Variants in ZNF841 observed in about 807,000 individuals in gnomAD.
ZNF841 encodes zinc finger protein 841.
A neutral mutation model predicts 13.0 loss-of-function variants in ZNF841; 11 were observed. That is an observed-to-expected ratio of 0.85 (90% CI 0.53 to 1.40). ZNF841 has a LOEUF of 1.40. Ranked by LOEUF, ZNF841 falls within the 40% of genes most tolerant of loss-of-function variation. The pLI, the probability that ZNF841 is intolerant of heterozygous loss-of-function variation, is 0.00. For synonymous variants in ZNF841, 369 were observed against 381.6 expected, an observed-to-expected ratio of 0.97 and a Z score of 0.38; for missense variants, 1,068 against 1,139.5, an observed-to-expected ratio of 0.94 and a Z score of 0.90.
intron 4 of ZNF841, among the ~76,000 whole-genome samples, chr19:52,078,558 G>A (rs1394687851): frequency 6.6e-6 from 1 of 151,948 alleles, no homozygotes; most frequent in Non-Finnish European, 1.5e-5. Context: ...AATTAGCCGG[G>A]TGTGGTGGCC....
intron 6 of ZNF841, among the ~76,000 whole-genome samples, chr19:52,074,616 G>A (rs1159201589): frequency 5.3e-5 from 8 of 152,022 alleles, no homozygotes; most frequent in African/African-American, 1.9e-4. Flanking sequence ...TCCCAGATTT[G>A]AGAGATTCTC....
Position 52,065,818 on chromosome 19 carries a change from C to G in ZNF841, c.2064G>C (p.Glu688Asp). ...CAAGTTTTGAACTTTGGATAAAAGC[C>G]TCACCAAATTCATTACAGTGGTAAG... ...ENPYHCNEFG[E>D]AFIQSSKLAR... is the part of the protein sequence containing the mutation. The change falls in exon 7 of 7, where the codon GAG becomes GAC. Residue 688 changes from glutamate to aspartate, a missense_variant. Glu to Asp is a conservative substitution (Grantham distance 45). Coordinates refer to ENST00000594440, the MANE Select transcript of ZNF841 (RefSeq NM_001136499.2). The G allele has an allele frequency of 6.2e-7, 1 of 1,613,206 alleles. No individual in the cohort carries two copies. The highest frequency in any genetic ancestry group is 8.5e-7 in the Non-Finnish European group (1 of 1,179,446).
intron 4 of ZNF841, among the ~76,000 whole-genome samples, chr19:52,078,647 C>T (rs948795527): frequency 2.7e-5 from 4 of 147,406 alleles, no homozygotes; most frequent in East Asian, 2.0e-4. Context: ...TGCAGTGAGC[C>T]GAGATCGCAC....
At chr19:52,086,244 G>C (rs1374951965) in intron 3 of ZNF841, among the ~76,000 whole-genome samples, 1 of 152,154 alleles carries the variant, frequency 6.6e-6, no homozygotes, top group East Asian at 1.9e-4. Context: ...ACTGTTACTG[G>C]TGGGGCCTGG....
In ZNF841 at chr19:52,067,135, TG is replaced by T; in HGVS notation, c.746del (p.Thr249AsnfsTer14). The stretch of plus-strand genomic sequence containing the variant: ...CCCTAATATGTGTTTTCTCGTCTTG[TG>T]TAGGTAACGAAAGTTGCAAAAAATC... The part of the protein sequence containing the change: ...GNDFLQLSLP[T>X]QDEKTHIREK... On this transcript the variant is annotated frameshift_variant, in exon 7 of 7. Transcript: ENST00000594440. LOFTEE classifies it low-confidence loss of function (END_TRUNC). 5.8e-6 allele frequency: 9 copies of T among 1,561,118 alleles called. No homozygotes were observed. In the Admixed American group the frequency reaches 7.7e-5, roughly 13 times the overall value.
At chr19:52,095,379 G>A (rs1278417595) in intron 1 of ZNF841, among the ~76,000 whole-genome samples, 196 bp downstream of exon 1, 1 of 152,148 alleles carries the variant, frequency 6.6e-6, no homozygotes, top group Non-Finnish European at 1.5e-5. Context: ...GACGACGGAG[G>A]AGCTCGGGGA....
At chr19:52,072,896 T>A (rs1336158684) in intron 6 of ZNF841, among the ~76,000 whole-genome samples, 1 of 152,104 alleles carries the variant, frequency 6.6e-6, no homozygotes, top group East Asian at 1.9e-4. Context: ...AAGGGAAATT[T>A]TAAAAATCTC....
chr19:52,074,763 C>T (rs887335835), intron 6 of ZNF841, among the ~76,000 whole-genome samples: 3 of 152,102 alleles, frequency 2.0e-5, no homozygotes, highest in Admixed American at 6.5e-5. Context: ...GTGATCCACC[C>T]GCCTCAGCCT....
At chr19:52,061,328 C>G (rs1216590637), downstream of ZNF841, among the ~76,000 whole-genome samples, 1 of 152,120 alleles carries the variant, frequency 6.6e-6, no homozygotes, top group Admixed American at 6.5e-5. Flanking sequence ...AACTGCCCAG[C>G]CTGGAACAAT....
At chr19:52,064,315 C>T (rs1198729536), downstream of ZNF841, among the ~76,000 whole-genome samples, 31 of 136,468 alleles carry the variant, frequency 2.3e-4, no homozygotes, top group Admixed American at 8.2e-5. Context: ...CACTGCAGTC[C>T]GCAGTCCCGC....
At position 52,076,881 on chromosome 19, in the gene ZNF841, C is replaced by T. The variant is rs1234281322; in HGVS notation, c.142+77G>A. Reference sequence around the variant, plus strand: ...CAGTCTCTGTCAAATAATGTAGGGCCTCACAAGAAACACAATAAGGAAAGT... The same window carrying T: ...CAGTCTCTGTCAAATAATGTAGGGCTTCACAAGAAACACAATAAGGAAAGT... On this transcript the variant is annotated intron_variant, in intron 5 of 6. Coordinates refer to ENST00000594440, the MANE Select transcript of ZNF841 (RefSeq NM_001136499.2). The T allele has an allele frequency of 9.6e-6, 15 of 1,555,776 alleles. No individual in the cohort carries two copies. The Admixed American group carries it at 2.3e-4, about 24-fold the overall frequency.
chr19:52,062,070 C>T (rs1316585246), downstream of ZNF841, among the ~76,000 whole-genome samples: 1 of 152,094 alleles, frequency 6.6e-6, no homozygotes, highest in Non-Finnish European at 1.5e-5. Context: ...ATTGCAGGTC[C>T]CCTTCTCTAT....
Position 52,094,540 on chromosome 19 carries a change from G to GT in ZNF841, c.-269-570dup, listed in dbSNP as rs529886940. Among the ~76,000 whole-genome samples the GT allele has an allele frequency of 1.5e-4, 23 of 151,920 alleles. 1 individual carries two copies. The South Asian group carries it at 4.8e-3, about 32-fold the overall frequency. On this transcript the variant is annotated intron_variant, in intron 1 of 6. Coordinates refer to ENST00000594440, the MANE Select transcript of ZNF841 (RefSeq NM_001136499.2). ...CTTTCCGATTGTCCCCAATCTCCAC[G>GT]TATTTCTGCCTCTTTTCCCCCATCT...
chr19:52,064,299 T>C (rs776047148), downstream of ZNF841, among the ~76,000 whole-genome samples: 2 of 134,878 alleles, frequency 1.5e-5, no homozygotes, highest in Non-Finnish European at 1.5e-5. Flanking sequence ...TGAGCCGAGA[T>C]TGCGCCACTG....
At chr19:52,085,078 C>T (rs1304656168) in intron 3 of ZNF841, among the ~76,000 whole-genome samples, 200 bp from the exon 4 acceptor site, 3 of 152,106 alleles carry the variant, frequency 2.0e-5, no homozygotes, top group Admixed American at 1.3e-4. Context: ...CCCAGAGAAG[C>T]CCCCACACAC....
intron 2 of ZNF841, among the ~76,000 whole-genome samples, chr19:52,090,368 C>A (rs1194526918): frequency 6.6e-6 from 1 of 151,802 alleles, no homozygotes; most frequent in Non-Finnish European, 1.5e-5. Flanking sequence ...TGAGACCAGC[C>A]TGGGCAACAT....
rs1042892529 is a variant in ZNF841, at chr19:52,077,024, C to G, written c.76G>C (p.Asp26His). 1 of 1,613,376 alleles carries G rather than the reference C, an allele frequency of 6.2e-7. No homozygotes were observed. Among genetic ancestry groups the G allele is most frequent in the Admixed American group, 1.7e-5 (1 of 59,990 alleles). ...CTGTACAAAGCTTTCTGAACAGGGTCCAGGCATTTCCACTCCTCCTGAGAG... is the reference window on the plus strand; with the variant it reads ...CTGTACAAAGCTTTCTGAACAGGGTGCAGGCATTTCCACTCCTCCTGAGAG... Reference protein sequence around the residue: ...EFSQEEWKCLDPVQKALYRDV... With the variant: ...EFSQEEWKCLHPVQKALYRDV... The change falls in exon 5 of 7, where the codon GAC becomes CAC. Residue 26 changes from aspartate to histidine, a missense_variant. Transcript: ENST00000594440.
At position 52,067,144 on chromosome 19, in the gene ZNF841, C is replaced by A; in HGVS notation, c.738G>T (p.Ser246=). 1.3e-6 allele frequency: 2 copies of A among 1,556,790 alleles called. No homozygotes were observed. Among genetic ancestry groups the A allele is most frequent in the Non-Finnish European group, 1.7e-6 (2 of 1,149,272 alleles). The change falls in exon 7 of 7, where the codon TCG becomes TCT. Residue 246 remains serine, a synonymous_variant. Coordinates refer to ENST00000594440, the MANE Select transcript of ZNF841 (RefSeq NM_001136499.2). The part of the protein sequence containing the change: ...RKYGNDFLQL[S]LPTQDEKTHI... Reference sequence around the variant, plus strand: ...GTGTTTTCTCGTCTTGTGTAGGTAACGAAAGTTGCAAAAAATCATTCCCAT... The same window carrying A: ...GTGTTTTCTCGTCTTGTGTAGGTAAAGAAAGTTGCAAAAAATCATTCCCAT...
intron 3 of ZNF841, among the ~76,000 whole-genome samples, chr19:52,087,940 G>A (rs2088335478): frequency 6.6e-6 from 1 of 150,820 alleles, no homozygotes; most frequent in Non-Finnish European, 1.5e-5. Flanking sequence ...ATGCCCCAAT[G>A]AGACCCCAAC....
Sources: gnomAD v4.1 joint callset for allele counts (sites outside exome capture counted in the v4.1 genomes callset) on GRCh38, gnomAD v4.1.1 for gene constraint, MANE v1.5 for transcripts, NCBI Gene and HGNC (gene_info 2026-07-23, HGNC 2026-07-21) for gene names.